The following DENND1C variants were observed in gnomAD, a reference collection of about 807,000 sequenced individuals.
The protein encoded by DENND1C is DENN domain-containing protein 1C.
A neutral mutation model predicts 87.9 loss-of-function variants in DENND1C; 64 were observed. The ratio of observed to expected loss-of-function variants is 0.73; its 90% CI spans 0.60 to 0.90. The LOEUF is 0.90. DENND1C is among the 40% of genes least tolerant of loss of function. DENND1C has a pLI of 0.00. For synonymous variants in DENND1C, 384 were observed against 424.4 expected (o/e 0.90, Z 1.17); for missense variants, 980 against 1,037.0 (o/e 0.95, Z 0.76).
rs2092801857 is a variant in DENND1C at position 6,467,541 on chromosome 19, G to A, written c.2369C>T (p.Pro790Leu). ...GCACTTCTTAAGATCAGCGACTCTG[G>A]GCCGGCTGCTGGGCTGGGACTTTTG... ...NCQKSQPSSR[P>L]RVADLKKCFE... Residue 790 changes from proline (P) to leucine (L), a missense_variant, in exon 23 of 23, where the codon CCC becomes CTC. By Grantham distance (98) the Pro-to-Leu change is moderately conservative (BLOSUM62 -3). Transcript: ENST00000381480. 1 of 1,608,768 alleles carries A rather than the reference G, an allele frequency of 6.2e-7. No homozygotes were observed. The highest frequency in any genetic ancestry group is 1.3e-5 in the African/African-American group (1 of 74,462).
rs1304443502 is a variant in DENND1C at position 6,468,927 on chromosome 19, C to T, written c.1434G>A (p.Gly478=). ...GGAGGGCTGGGGCCCTCAGAGAGCC[C>T]CCCCTCTGCAGGACAGAGTCCCCAT... ...YKDGDSVLQR[G]GSLRAPALPS... Residue 478 remains glycine (G), a synonymous_variant, in exon 20 of 23, where the codon GGG becomes GGA. Transcript: ENST00000381480. 6.8e-7 allele frequency: 1 copy of T among 1,468,044 alleles called. No individual in the cohort carries two copies. Among genetic ancestry groups the T allele is most frequent in the East Asian group, 2.5e-5 (1 of 40,118 alleles). The allele number at this position is 1,468,044 out of a possible 1,614,324, so 90.9% of individuals were successfully genotyped here. A position where few individuals can be genotyped will look rare whatever the true frequency, so the allele number is the denominator to read the frequency against.
chr19:6,479,040 C>G lies in DENND1C; in HGVS notation c.193G>C (p.Ala65Pro), dbSNP rs772633643. Residue 65 changes from alanine to proline, a missense_variant, in exon 5 of 23, where the codon GCC becomes CCC. Physicochemically the swap from Ala to Pro is conservative, Grantham distance 27. Transcript: ENST00000381480. ...AGGGCGAAGGTGAAATGCTGCACGG[C>G]GGGGCTGGGGGGCTCCCTGGAGTGG... is the stretch of plus-strand genomic sequence containing the variant. ...FDVEREPPSP[A>P]VQHFTFALTD... 7 of 1,613,690 alleles carry G rather than the reference C, an allele frequency of 4.3e-6. No individual in the cohort carries two copies. Among genetic ancestry groups the G allele is most frequent in the African/African-American group, 1.3e-5 (1 of 74,926 alleles).
intron 15 of DENND1C, 83 bp downstream of exon 15, chr19:6,472,806 T>C: frequency 8.1e-7 from 1 of 1,232,722 alleles, no homozygotes; most frequent in Non-Finnish European, 1.1e-6. Context: ...GAGTCTGCCC[T>C]CAACCCTGCC....
In DENND1C at chr19:6,475,293, T is replaced by C; in HGVS notation, c.1034A>G (p.Asp345Gly). The C allele has an allele frequency of 6.2e-7, 1 of 1,613,226 alleles. No individual in the cohort carries two copies. The highest frequency in any genetic ancestry group is 8.5e-7 in the Non-Finnish European group (1 of 1,179,830). Residue 345 changes from aspartate (D) to glycine (G), a missense_variant, in exon 14 of 23, where the codon GAC (aspartate) becomes GGC (glycine). By Grantham distance (94) the Asp-to-Gly change is moderately conservative (BLOSUM62 -1). Coordinates refer to ENST00000381480, the MANE Select transcript of DENND1C (RefSeq NM_024898.4). The part of the protein sequence containing the change: ...AQALLFGGYR[D>G]ALVCSPGQPV... ...GCTCACCGGGCTGCAGACGAGTGCG[T>C]CGCGGTACCCCCCGAAGAGCAGGGC...
intron 14 of DENND1C, among the ~76,000 whole-genome samples, chr19:6,475,010 TG>T (rs1568397447): frequency 6.6e-6 from 1 of 151,862 alleles, no homozygotes; most frequent in Non-Finnish European, 1.5e-5. Flanking sequence ...CACTCCAGCC[TG>T]GGGAACAGAG....
rs368056243 is a variant in DENND1C, at chr19:6,468,926, C to T, written c.1435G>A (p.Gly479Ser). Reference sequence around the variant, plus strand: ...GGGAGGGCTGGGGCCCTCAGAGAGCCCCCCCTCTGCAGGACAGAGTCCCCA... The same window carrying T: ...GGGAGGGCTGGGGCCCTCAGAGAGCTCCCCCTCTGCAGGACAGAGTCCCCA... ...KDGDSVLQRGGSLRAPALPSR... is the reference protein window; with the variant it reads ...KDGDSVLQRGSSLRAPALPSR... The change falls in exon 20 of 23, where the codon GGC becomes AGC. Residue 479 changes from glycine to serine, a missense_variant. Gly to Ser is a moderately conservative substitution (Grantham distance 56). Transcript: ENST00000381480. 2.0e-6 allele frequency: 3 copies of T among 1,467,492 alleles called. No individual in the cohort carries two copies. The highest frequency in any genetic ancestry group is 2.5e-5 in the East Asian group (1 of 40,104). 90.9% of individuals were successfully genotyped at this position (1,467,492 alleles called of 1,614,324 possible). A position where few individuals can be genotyped will look rare whatever the true frequency, so the allele number is the denominator to read the frequency against.
intron 1 of DENND1C, chr19:6,480,314 TG>T (rs1367305169): frequency 7.2e-7 from 1 of 1,390,050 alleles, no homozygotes; most frequent in African/African-American, 1.5e-5. Context: ...GCTGAGTGCA[TG>T]GCTTTTGTGA....
rs200881876 is a variant in DENND1C at position 6,469,020 on chromosome 19, CT to C, written c.1408-68del. ...CTCCCCACCACCCCCTACCATTGGT[CT>C]TTAGTTAGTCTTTTTTTTTTTTTGT... On this transcript the variant is annotated intron_variant, in intron 19 of 22. Transcript: ENST00000381480. 653 of 900,030 alleles carry C rather than the reference CT, an allele frequency of 7.3e-4. 6 individuals are homozygous for C. In the East Asian group the frequency reaches 0.019, roughly 26 times the overall value. 55.8% of individuals were successfully genotyped at this position (900,030 alleles called of 1,614,324 possible). A position where few individuals can be genotyped will look rare whatever the true frequency, so the allele number is the denominator to read the frequency against.
At chr19:6,470,240 C>G in intron 18 of DENND1C, 55 bp downstream of exon 18, 1 of 1,552,592 alleles carries the variant, frequency 6.4e-7, no homozygotes, top group Non-Finnish European at 8.7e-7. Flanking sequence ...AAAGTGTCCT[C>G]TGTCCCCTCC....
At chr19:6,480,425 C>T (rs1913474002) in intron 1 of DENND1C, 36 of 1,102,428 alleles carry the variant, frequency 3.3e-5, no homozygotes, top group Non-Finnish European at 3.9e-5. Context: ...AAGGACAGCC[C>T]GTGCAGTCCC....
At chr19:6,468,683 C>T in intron 20 of DENND1C, 38 bp from the exon 21 acceptor site, 1 of 1,444,106 alleles carries the variant, frequency 6.9e-7, no homozygotes. Context: ...CAGGAGACTG[C>T]AGAATCGGGG....
In DENND1C at chr19:6,477,597, TA is replaced by T. The variant is rs1008231522; in HGVS notation, c.367-140del. 4.8e-4 allele frequency: 96 copies of T among 201,604 alleles called. No homozygotes were observed. The African/African-American group carries it at 5.4e-3, about 11-fold the overall frequency. The allele number at this position is 201,604 out of a possible 1,614,324, so 12.5% of individuals were successfully genotyped here. The stretch of plus-strand genomic sequence containing the variant: ...CTGGGAGTTTTTTTTTTTCTTTCTT[TA>T]AAAGAAATTAATAATAATAATAATA... On this transcript the variant is annotated intron_variant, in intron 6 of 22. Transcript: ENST00000381480.
chr19:6,471,285 G>T lies in DENND1C; in HGVS notation c.1270C>A (p.Leu424Ile). The change falls in exon 17 of 23, where the codon CTC (leucine) becomes ATC (isoleucine). Residue 424 changes from leucine (L) to isoleucine (I), a missense_variant. Transcript: ENST00000381480. ...CTTACCTTTAGATTGTCGGCCCAGA[G>T]CTGATAGGATCGAAGGGCCCCTGGG... is the stretch of plus-strand genomic sequence containing the variant. Reference protein sequence around the residue: ...ASSGALRSYQLWADNLKKGGG... With the variant: ...ASSGALRSYQIWADNLKKGGG... 1 of 1,596,700 alleles carries T rather than the reference G, an allele frequency of 6.3e-7. No homozygotes were observed. Among genetic ancestry groups the T allele is most frequent in the Non-Finnish European group, 8.5e-7 (1 of 1,171,548 alleles).
In DENND1C at chr19:6,471,387, G is replaced by A. The variant is rs748126402; in HGVS notation, c.1249+19C>T. 1.5e-5 allele frequency: 24 copies of A among 1,583,720 alleles called. No individual in the cohort carries two copies. Among genetic ancestry groups the A allele is most frequent in the Non-Finnish European group, 1.9e-5 (22 of 1,165,288 alleles). ...GGTGGCGGGTAGTGGGGGACCCAGG[G>A]GCTGGACTCAGGGCTCACCTGAGGA... On this transcript the variant is annotated intron_variant, in intron 16 of 22. Coordinates refer to ENST00000381480, the MANE Select transcript of DENND1C (RefSeq NM_024898.4).
intron 17 of DENND1C, among the ~76,000 whole-genome samples, chr19:6,470,837 G>C (rs2092824947): frequency 6.6e-6 from 1 of 151,750 alleles, no homozygotes; most frequent in Non-Finnish European, 1.5e-5. Context: ...GGCCAGGATG[G>C]TCTCGATCTC....
Position 6,475,698 on chromosome 19 carries a change from A to C in DENND1C, c.825+8T>G, listed in dbSNP as rs371323785. ...ACGTCCCCGTCGTCTGGGTAGATCC[A>C]CGCTCACCTCGGCGAGACTGGCGTG... On this transcript the variant is annotated splice_region_variant and intron_variant, in intron 12 of 22. Transcript: ENST00000381480. The C allele has an allele frequency of 2.5e-6, 4 of 1,599,220 alleles. No individual in the cohort carries two copies. In the African/African-American group the frequency reaches 5.4e-5, roughly 21 times the overall value.
At chr19:6,470,092 C>A (rs933652378) in intron 18 of DENND1C, 4 of 567,160 alleles carry the variant, frequency 7.1e-6, no homozygotes, top group Non-Finnish European at 1.2e-5. Flanking sequence ...GGGTAGGATT[C>A]CAACAAAAAA....
rs2092879395 is a variant in DENND1C, at chr19:6,478,918, C to T, written c.296+19G>A. On this transcript the variant is annotated intron_variant, in intron 5 of 22. Transcript: ENST00000381480. ...CCTCGGCCTTTCCCATCCCCCCCTC[C>T]AACCCCCATATCCCGCACCTGAGGA... 6.2e-7 allele frequency: 1 copy of T among 1,613,794 alleles called. No homozygotes were observed. Among genetic ancestry groups the T allele is most frequent in the African/African-American group, 1.3e-5 (1 of 74,918 alleles).
At position 6,479,298 on chromosome 19, in the gene DENND1C, TCCCTAA is replaced by T. The variant is rs1568401813; in HGVS notation, c.177-248_177-243del. On this transcript the variant is annotated intron_variant, in intron 4 of 22. Coordinates refer to ENST00000381480, the MANE Select transcript of DENND1C (RefSeq NM_024898.4). ...GTTTCTGGATCTCTGGGTCCTTGAATCCCTAAGTCCCTGGGTTCCTCAGTCCCTGAG... is the reference window on the plus strand; with the variant it reads ...GTTTCTGGATCTCTGGGTCCTTGAATGTCCCTGGGTTCCTCAGTCCCTGAG... Among the ~76,000 whole-genome samples, 174 of 149,178 alleles carry T rather than the reference TCCCTAA, an allele frequency of 1.2e-3. 1 individual carries two copies. The highest frequency in any genetic ancestry group is 4.2e-3 in the African/African-American group (162 of 38,918).
Sources: gnomAD v4.1 joint callset for allele counts (sites outside exome capture counted in the v4.1 genomes callset) on GRCh38, gnomAD v4.1.1 for gene constraint, MANE v1.5 for transcripts, NCBI Gene and HGNC (gene_info 2026-07-23, HGNC 2026-07-21) for gene names.